The following EYS variants were observed in gnomAD, a reference collection of about 807,000 sequenced individuals.
The protein encoded by EYS is EGF-like photoreceptor maintenance factor.
A neutral mutation model predicts 282.1 loss-of-function variants in EYS; 250 were observed. That is an observed-to-expected ratio of 0.89 (90% CI 0.80 to 0.98). EYS has a LOEUF of 0.98. Ranked by LOEUF, EYS falls within the 50% of genes least tolerant of loss-of-function variation. The pLI is 0.00. For synonymous variants in EYS, 1,355 were observed against 1,282.9 expected, an observed-to-expected ratio of 1.06 and a Z score of -1.20; for missense variants, 4,016 against 3,709.0, an observed-to-expected ratio of 1.08 and a Z score of -2.15.
chr6:65,428,097 G>A (rs910022978), intron 5 of EYS, among the ~76,000 whole-genome samples: 10 of 152,024 alleles, frequency 6.6e-5, no homozygotes, highest in African/African-American at 2.2e-4. Flanking sequence ...TACTGCTGGT[G>A]AGAGTGATGT....
intron 30 of EYS, among the ~76,000 whole-genome samples, chr6:64,258,194 G>T (rs1440337496): frequency 1.3e-5 from 2 of 151,944 alleles, no homozygotes; most frequent in Admixed American, 6.6e-5. Flanking sequence ...TAACTTAATG[G>T]TACAGTATGA....
intron 12 of EYS, among the ~76,000 whole-genome samples, chr6:65,215,149 T>A (rs936397791): frequency 2.0e-5 from 3 of 152,122 alleles, no homozygotes; most frequent in African/African-American, 7.2e-5. Flanking sequence ...GAAATACATT[T>A]TATAAGGCTA....
intron 36 of EYS, chr6:63,822,635 G>T (rs1191135523): frequency 6.6e-6 from 1 of 152,098 alleles, no homozygotes; most frequent in Non-Finnish European, 1.5e-5. Context: ...ATTAAGAAAA[G>T]CTACCGATTT....
intron 13 of EYS, among the ~76,000 whole-genome samples, chr6:65,017,003 A>T (rs1002408492): frequency 1.3e-5 from 2 of 152,168 alleles, no homozygotes; most frequent in African/African-American, 4.8e-5. Flanking sequence ...GCTATCTATC[A>T]TCTAGAAATT....
At chr6:65,486,070 C>T (rs1180859507) in intron 5 of EYS, among the ~76,000 whole-genome samples, 1 of 152,124 alleles carries the variant, frequency 6.6e-6, no homozygotes, top group African/African-American at 2.4e-5. Flanking sequence ...TGGCATAATA[C>T]ATTGTTTTGA....
intron 26 of EYS, among the ~76,000 whole-genome samples, chr6:64,448,203 G>A (rs1775185079): frequency 6.6e-6 from 1 of 152,230 alleles, no homozygotes; most frequent in Non-Finnish European, 1.5e-5. Flanking sequence ...CACACCAGGA[G>A]ATTATATCCC....
At chr6:64,350,003 T>C (rs891746164) in intron 29 of EYS, among the ~76,000 whole-genome samples, 1 of 151,522 alleles carries the variant, frequency 6.6e-6, no homozygotes, top group Non-Finnish European at 1.5e-5. Flanking sequence ...AAAATGTGTT[T>C]AGAAATAAAG....
At chr6:65,379,995 C>T (rs1765547716) in intron 8 of EYS, among the ~76,000 whole-genome samples, 1 of 152,056 alleles carries the variant, frequency 6.6e-6, no homozygotes, top group South Asian at 2.1e-4. Context: ...AAAAAACATT[C>T]CATGCTCATG....
chr6:64,655,285 G>A (rs967780526), intron 22 of EYS, among the ~76,000 whole-genome samples: 2 of 151,970 alleles, frequency 1.3e-5, no homozygotes, highest in African/African-American at 2.4e-5. Context: ...TGATTTTACC[G>A]TGAAATATTT....
At position 64,242,437 on chromosome 6, in the gene EYS, G is replaced by GT. The variant is rs5876885; in HGVS notation, c.6192-11614dup. ...CTTCCCTCCACACCTCAAATTCTAA[G>GT]TTTTTTTTGTTGTTGTTGTTGTAAA... On this transcript the variant is annotated intron_variant, in intron 30 of 42. Coordinates refer to ENST00000503581, the MANE Select transcript of EYS (RefSeq NM_001142800.2). 3.1e-4 allele frequency among the ~76,000 whole-genome samples: 47 copies of GT among 151,700 alleles called. No individual in the cohort carries two copies. The South Asian group carries it at 8.3e-3, about 27-fold the overall frequency.
intron 12 of EYS, among the ~76,000 whole-genome samples, chr6:65,163,073 T>A (rs562801217): frequency 6.6e-6 from 1 of 151,336 alleles, no homozygotes; most frequent in East Asian, 2.0e-4. Flanking sequence ...ACTGCAGAAA[T>A]AATTTGTGGT....
intron 31 of EYS, among the ~76,000 whole-genome samples, chr6:64,223,353 A>C (rs970866329): frequency 3.3e-5 from 5 of 152,082 alleles, no homozygotes; most frequent in Non-Finnish European, 7.4e-5. Context: ...AATTCATCAA[A>C]TGTTAAGTTT....
rs565911993 is a variant in EYS, at chr6:63,900,290, A to G, written c.7056-35932T>C. On this transcript the variant is annotated intron_variant, in intron 35 of 42. Transcript: ENST00000503581. Reference sequence around the variant, plus strand: ...TCATGTTAGGTATATTAAAATATATACAGTTTTGGTGGTGCCTTGTTGGGA... The same window carrying G: ...TCATGTTAGGTATATTAAAATATATGCAGTTTTGGTGGTGCCTTGTTGGGA... Among the ~76,000 whole-genome samples, 4 of 152,336 alleles carry G rather than the reference A, an allele frequency of 2.6e-5. No individual in the cohort carries two copies. In the South Asian group the frequency reaches 8.3e-4, roughly 32 times the overall value.
At chr6:64,014,729 C>A (rs1318688203) in intron 33 of EYS, among the ~76,000 whole-genome samples, 2 of 151,994 alleles carry the variant, frequency 1.3e-5, no homozygotes, top group African/African-American at 4.8e-5. Flanking sequence ...TCTCTACCAG[C>A]TAGCACACAG....
chr6:64,514,534 A>C (rs993945128), intron 26 of EYS, among the ~76,000 whole-genome samples: 1 of 151,900 alleles, frequency 6.6e-6, no homozygotes, highest in Non-Finnish European at 1.5e-5. Context: ...CAAAGGCATA[A>C]GGTTTGAGAA....
Position 64,762,607 on chromosome 6 carries a change from G to A in EYS, c.3443+50771C>T, listed in dbSNP as rs867250359. Among the ~76,000 whole-genome samples the A allele has an allele frequency of 2.8e-4, 43 of 151,936 alleles. No homozygotes were observed. In the Middle Eastern group the frequency reaches 0.01, roughly 36 times the overall value. ...TTGCTTTCTCCACACAGAGAAGAGC[G>A]CACATATGCAGATGGTTCCAAAACT... On this transcript the variant is annotated intron_variant, in intron 22 of 42. Coordinates refer to ENST00000503581, the MANE Select transcript of EYS (RefSeq NM_001142800.2).
At chr6:64,586,806 A>T (rs1013957879) in intron 26 of EYS, among the ~76,000 whole-genome samples, 2 of 152,088 alleles carry the variant, frequency 1.3e-5, no homozygotes, top group African/African-American at 4.8e-5. Context: ...CATAACTCAA[A>T]CACTCTATTT....
chr6:65,527,338 C>A (rs57308309), intron 2 of EYS, among the ~76,000 whole-genome samples: 10,581 of 152,128 alleles, frequency 0.07, 1,069 homozygotes, highest in African/African-American at 0.22. Context: ...GTATGACTCA[C>A]GTATGGGTTG....
chr6:63,765,063 G>C (rs1562015601), intron 40 of EYS, among the ~76,000 whole-genome samples: 1 of 151,978 alleles, frequency 6.6e-6, no homozygotes, highest in African/African-American at 2.4e-5. Context: ...AGTAGATTTT[G>C]TAGAAGTATG....
Sources: allele counts gnomAD v4.1 joint callset (sites outside exome capture counted in the v4.1 genomes callset), GRCh38; gene constraint gnomAD v4.1.1; transcripts MANE v1.5; gene names NCBI Gene and HGNC (gene_info 2026-07-23, HGNC 2026-07-21).